NEGR1: variants seen among roughly 807,000 people sequenced by gnomAD.
NEGR1 encodes the protein neuronal growth regulator 1, also known as IgLON family member 4.
NEGR1 carries 10 observed loss-of-function variants against 40.9 expected under a neutral mutation model. That is an observed-to-expected ratio of 0.24 (90% confidence interval 0.15 to 0.42). NEGR1 has a LOEUF of 0.42. NEGR1 is among the 10% of genes least tolerant of loss of function. NEGR1 has a pLI of 1.00. For missense variants in NEGR1, 352 were observed against 438.9 expected (o/e 0.80, Z 1.77); for synonymous variants, 185 against 166.8 (o/e 1.11, Z -0.84).
At chr1:71,753,608 G>A (rs1655638588) in intron 3 of NEGR1, among the ~76,000 whole-genome samples, 1 of 152,068 alleles carries the variant, frequency 6.6e-6, no homozygotes, top group Admixed American at 6.6e-5. Context: ...ACTGTCTTCT[G>A]CCTGGGGATT....
intron 3 of NEGR1, among the ~76,000 whole-genome samples, chr1:71,719,083 T>A (rs1358751702): frequency 6.6e-6 from 1 of 152,204 alleles, no homozygotes; most frequent in Admixed American, 6.5e-5. Context: ...ATTGTGTCAC[T>A]CTCTGGGGAA....
intron 1 of NEGR1, among the ~76,000 whole-genome samples, chr1:72,258,097 G>A (rs959972222): frequency 1.3e-5 from 2 of 152,114 alleles, no homozygotes; most frequent in African/African-American, 4.8e-5. Flanking sequence ...CTTAATTTGT[G>A]TTCCATGAAT....
At chr1:71,484,536 C>G (rs1345084646) in intron 6 of NEGR1, among the ~76,000 whole-genome samples, 1 of 151,634 alleles carries the variant, frequency 6.6e-6, no homozygotes, top group Non-Finnish European at 1.5e-5. Flanking sequence ...CAATCTCAGA[C>G]TAGAATAAAT....
chr1:71,914,458 A>G (rs888307020), intron 2 of NEGR1, among the ~76,000 whole-genome samples: 29 of 152,214 alleles, frequency 1.9e-4, no homozygotes, highest in African/African-American at 7.0e-4. Flanking sequence ...AGCCCAGGTA[A>G]TGAAAACCAG....
At chr1:72,135,161 G>A (rs2100322322) in intron 1 of NEGR1, among the ~76,000 whole-genome samples, 1 of 150,654 alleles carries the variant, frequency 6.6e-6, no homozygotes, top group Non-Finnish European at 1.5e-5. Flanking sequence ...AGGATCACGA[G>A]GTCAGGAGAT....
intron 1 of NEGR1, among the ~76,000 whole-genome samples, chr1:72,264,832 T>C (rs926572343): frequency 2.7e-5 from 4 of 150,848 alleles, no homozygotes; most frequent in African/African-American, 9.7e-5. Context: ...CGTAGAAAAC[T>C]ACCTTTTTGA....
At chr1:71,470,584 G>A (rs1646775833) in intron 6 of NEGR1, among the ~76,000 whole-genome samples, 1 of 152,090 alleles carries the variant, frequency 6.6e-6, no homozygotes, top group Non-Finnish European at 1.5e-5. Context: ...GAGTTTTTGA[G>A]AGATGAGTGC....
chr1:71,550,576 G>A (rs1199187533), intron 6 of NEGR1, among the ~76,000 whole-genome samples: 1 of 151,430 alleles, frequency 6.6e-6, no homozygotes, highest in Non-Finnish European at 1.5e-5. Flanking sequence ...GTAAACCTGT[G>A]TAGGCCCACA....
At chr1:71,467,221 C>T (rs903525745) in intron 6 of NEGR1, among the ~76,000 whole-genome samples, 1 of 151,968 alleles carries the variant, frequency 6.6e-6, no homozygotes, top group African/African-American at 2.4e-5. Flanking sequence ...AAATTTAGAA[C>T]TAGAATTTTG....
At chr1:72,125,624 G>T (rs1040916836) in intron 1 of NEGR1, among the ~76,000 whole-genome samples, 2 of 152,106 alleles carry the variant, frequency 1.3e-5, no homozygotes, top group South Asian at 4.1e-4. Context: ...GATATACACA[G>T]AGCACAGATA....
At chr1:72,043,345 T>A (rs1359080276) in intron 1 of NEGR1, among the ~76,000 whole-genome samples, 1 of 151,898 alleles carries the variant, frequency 6.6e-6, no homozygotes, top group Non-Finnish European at 1.5e-5. Flanking sequence ...CAGCATTGCC[T>A]TTGTTTTCCC....
In NEGR1 at chr1:71,988,005, C is replaced by G. The variant is rs74431598; in HGVS notation, c.177-52694G>C. ...TCTAAGTCTCTAATGAAGAAAGAGT[C>G]TGTTTCTTGTTCCCTAAGACCCCTC... is the stretch of plus-strand genomic sequence containing the variant. On this transcript the variant is annotated intron_variant, in intron 1 of 6. Transcript: ENST00000357731. Among the ~76,000 whole-genome samples the G allele has an allele frequency of 3.8e-3, 584 of 152,304 alleles. 3 individuals are homozygous for G. The highest frequency in any genetic ancestry group is 0.014 in the African/African-American group (562 of 41,568).
chr1:71,580,723 C>G (rs1649109646), intron 6 of NEGR1, among the ~76,000 whole-genome samples: 1 of 152,100 alleles, frequency 6.6e-6, no homozygotes, highest in Non-Finnish European at 1.5e-5. Flanking sequence ...CACTTTATGT[C>G]TATCTTACTT....
At chr1:71,433,023 C>T (rs932407957) in intron 6 of NEGR1, among the ~76,000 whole-genome samples, 2 of 152,146 alleles carry the variant, frequency 1.3e-5, no homozygotes, top group South Asian at 4.1e-4. Flanking sequence ...AGAAGTGGAA[C>T]CTTTTAGAAT....
rs569028625 is a variant in NEGR1 at position 71,658,233 on chromosome 1, G to T, written c.667+39775C>A. 3.3e-5 allele frequency among the ~76,000 whole-genome samples: 5 copies of T among 152,302 alleles called. No individual in the cohort carries two copies. In the East Asian group the frequency reaches 9.6e-4, roughly 29 times the overall value. The stretch of plus-strand genomic sequence containing the variant: ...ATCCAAAATACTCAGCATAGTGTGT[G>T]ACGTATAGCAATTGCCATAAGTTAA... On this transcript the variant is annotated intron_variant, in intron 4 of 6. Coordinates refer to ENST00000357731, the MANE Select transcript of NEGR1 (RefSeq NM_173808.3).
intron 1 of NEGR1, among the ~76,000 whole-genome samples, chr1:71,948,695 T>C (rs927664342): frequency 1.3e-5 from 2 of 152,086 alleles, no homozygotes; most frequent in Non-Finnish European, 2.9e-5. Context: ...ATGCCTCTCT[T>C]GCTAGAGGAT....
At chr1:71,608,382 A>G (rs1445125971) in intron 5 of NEGR1, among the ~76,000 whole-genome samples, 1 of 151,940 alleles carries the variant, frequency 6.6e-6, no homozygotes, top group East Asian at 1.9e-4. Context: ...TAAAAGCTGT[A>G]GTCCATCTCT....
At chr1:71,737,387 C>T (rs1333033252) in intron 3 of NEGR1, among the ~76,000 whole-genome samples, 2 of 148,580 alleles carry the variant, frequency 1.3e-5, no homozygotes, top group East Asian at 4.0e-4. Flanking sequence ...CTAATGTTGA[C>T]TGAAAGTCTA....
At chr1:72,206,732 C>T (rs1297384317) in intron 1 of NEGR1, among the ~76,000 whole-genome samples, 2 of 151,984 alleles carry the variant, frequency 1.3e-5, no homozygotes, top group African/African-American at 4.8e-5. Flanking sequence ...AAGACTATGG[C>T]TAGAGATGTA....
Sources: allele counts gnomAD v4.1 joint callset (sites outside exome capture counted in the v4.1 genomes callset), GRCh38; gene constraint gnomAD v4.1.1; transcripts MANE v1.5; gene names NCBI Gene and HGNC (gene_info 2026-07-23, HGNC 2026-07-21).